DNAJC5: variants seen among roughly 807,000 people sequenced by gnomAD.
The protein encoded by DNAJC5 is dnaJ homolog subfamily C member 5.
DNAJC5 carries 1 observed loss-of-function variant against 23.2 expected under a neutral mutation model. The observed-to-expected ratio is 0.04, with a 90% CI of 0.02 to 0.20. The LOEUF (loss-of-function observed/expected upper bound fraction) is 0.20, where lower values mean the gene tolerates loss of function less well. DNAJC5 is among the 10% of genes least tolerant of loss of function. The pLI, the probability that DNAJC5 is intolerant of heterozygous loss-of-function variation, is 1.00. For synonymous variants in DNAJC5, 136 were observed against 120.0 expected (o/e 1.13, Z -0.87); for missense variants, 180 against 267.0 (o/e 0.67, Z 2.27).
chr20:63,923,900 T>C (rs1466784398), intron 1 of DNAJC5, among the ~76,000 whole-genome samples: 1 of 152,028 alleles, frequency 6.6e-6, no homozygotes, highest in East Asian at 1.9e-4. Context: ...AAAAATGGAG[T>C]TTTTTGCCTT....
At chr20:63,930,193 A>G (rs1028465721) in intron 3 of DNAJC5, among the ~76,000 whole-genome samples, 2 of 152,086 alleles carry the variant, frequency 1.3e-5, no homozygotes, top group Non-Finnish European at 2.9e-5. Flanking sequence ...TATTTAGTTA[A>G]TGTTAGACAG....
In DNAJC5 at chr20:63,926,108, G is replaced by A. The variant is rs561518302; in HGVS notation, c.-11-2227G>A. Among the ~76,000 whole-genome samples the A allele has an allele frequency of 2.4e-3, 358 of 152,292 alleles. 2 individuals are homozygous for A. Among genetic ancestry groups the A allele is most frequent in the African/African-American group, 7.9e-3 (327 of 41,560 alleles). ...CTCCCAAAGTGCTGGGATTACAGGC[G>A]TGAGCCACGGCGCCTGGCCTTCTGG... On this transcript the variant is annotated intron_variant, in intron 1 of 4. Coordinates refer to ENST00000360864, the MANE Select transcript of DNAJC5 (RefSeq NM_025219.3).
chr20:63,926,450 T>G (rs1405812770), intron 1 of DNAJC5, among the ~76,000 whole-genome samples: 1 of 152,252 alleles, frequency 6.6e-6, no homozygotes, highest in Non-Finnish European at 1.5e-5. Flanking sequence ...CTTTGTAGCT[T>G]CCTGAGGCGG....
intron 1 of DNAJC5, among the ~76,000 whole-genome samples, chr20:63,899,492 G>A (rs1011418271): frequency 6.6e-6 from 1 of 152,184 alleles, no homozygotes; most frequent in African/African-American, 2.4e-5. Context: ...ATAGATACAG[G>A]TCATTAGAAA....
In DNAJC5 at chr20:63,933,303, G is replaced by C. The variant is rs1333401130; in HGVS notation, c.*1735G>C. On this transcript the variant is annotated 3_prime_UTR_variant, in exon 5 of 5. Transcript: ENST00000360864. ...AGGTTGACCAGGAAGCTGCCAAAAG[G>C]GACATGGATATGAGGATACATCTGG... is the stretch of plus-strand genomic sequence containing the variant. The C allele has an allele frequency of 6.6e-6, 1 of 152,362 alleles. No individual in the cohort carries two copies. The highest frequency in any genetic ancestry group is 1.5e-5 in the Non-Finnish European group (1 of 68,066). The allele number at this position is 152,362 out of a possible 1,614,324, so 9.4% of individuals were successfully genotyped here.
chr20:63,911,707 T>C (rs1344965678), intron 1 of DNAJC5, among the ~76,000 whole-genome samples: 1 of 151,960 alleles, frequency 6.6e-6, no homozygotes, highest in African/African-American at 2.4e-5. Flanking sequence ...AGGGTCTTGC[T>C]CTGTCAATCA....
chr20:63,899,876 T>C (rs375080183), intron 1 of DNAJC5, among the ~76,000 whole-genome samples: 70 of 123,546 alleles, frequency 5.7e-4, no homozygotes, highest in East Asian at 4.8e-3. Flanking sequence ...CCACTGCGCC[T>C]GGGCTTTTTT....
Position 63,931,348 on chromosome 20 carries a change from A to G in DNAJC5, c.494-117A>G, listed in dbSNP as rs1159344836. ...AAGCCGTGTGGGGTGGAGGTCAGCGAGTAGCCTCTCCCGGTGGAGAGTTTG... is the reference window on the plus strand; with the variant it reads ...AAGCCGTGTGGGGTGGAGGTCAGCGGGTAGCCTCTCCCGGTGGAGAGTTTG... On this transcript the variant is annotated intron_variant, in intron 4 of 4. Transcript: ENST00000360864. This position sits in a 1 kb window ranked among gnomAD's most constrained non-coding sequence, Gnocchi z 9.6. 1 of 1,032,700 alleles carries G rather than the reference A, an allele frequency of 9.7e-7. No homozygotes were observed. Among genetic ancestry groups the G allele is most frequent in the African/African-American group, 1.6e-5 (1 of 63,184 alleles). 64.0% of individuals were successfully genotyped at this position (1,032,700 alleles called of 1,614,324 possible).
At chr20:63,926,395 C>G (rs1200737455) in intron 1 of DNAJC5, among the ~76,000 whole-genome samples, 1 of 152,154 alleles carries the variant, frequency 6.6e-6, no homozygotes, top group Non-Finnish European at 1.5e-5. Flanking sequence ...GATTTCTGTT[C>G]CTTATGATTT....
intron 3 of DNAJC5, 101 bp from the exon 4 acceptor site, chr20:63,930,749 TG>T: frequency 6.3e-7 from 1 of 1,578,364 alleles, no homozygotes; most frequent in East Asian, 2.2e-5. Context: ...TATCCCCACC[TG>T]GAACGCACCC....
At chr20:63,911,776 T>C (rs1211070142) in intron 1 of DNAJC5, among the ~76,000 whole-genome samples, 1 of 151,438 alleles carries the variant, frequency 6.6e-6, no homozygotes, top group African/African-American at 2.4e-5. Context: ...TGGGCTCGAG[T>C]GATCCTCCCA....
rs941795625 is a variant in DNAJC5, at chr20:63,931,327, C to T, written c.494-138C>T. 17 of 922,588 alleles carry T rather than the reference C, an allele frequency of 1.8e-5. No homozygotes were observed. Among genetic ancestry groups the T allele is most frequent in the Admixed American group, 6.0e-5 (3 of 49,936 alleles). 57.2% of individuals were successfully genotyped at this position (922,588 alleles called of 1,614,324 possible). On this transcript the variant is annotated intron_variant, in intron 4 of 4. Transcript: ENST00000360864. This position sits in a 1 kb window ranked among gnomAD's most constrained non-coding sequence, Gnocchi z 9.6. ...GTGACCCAAGGCGACGGAGGAAAGC[C>T]GTGTGGGGTGGAGGTCAGCGAGTAG... is the stretch of plus-strand genomic sequence containing the variant.
At chr20:63,914,419 A>G (rs2053502689) in intron 1 of DNAJC5, among the ~76,000 whole-genome samples, 1 of 151,116 alleles carries the variant, frequency 6.6e-6, no homozygotes, top group African/African-American at 2.4e-5. Flanking sequence ...GGTTCACGCG[A>G]TTCTCCCGCC....
chr20:63,896,266 T>A (rs918830566), intron 1 of DNAJC5, among the ~76,000 whole-genome samples: 3 of 152,224 alleles, frequency 2.0e-5, no homozygotes, highest in African/African-American at 7.2e-5. Context: ...TTTAAAAAAA[T>A]GTCAGCTGAG....
intron 1 of DNAJC5, among the ~76,000 whole-genome samples, chr20:63,921,977 C>T (rs1233353797): frequency 1.3e-5 from 2 of 152,050 alleles, no homozygotes; most frequent in Non-Finnish European, 2.9e-5. Context: ...TGAGGTTTCA[C>T]CACGTTGGCC....
At chr20:63,907,590 A>G (rs1341084685) in intron 1 of DNAJC5, among the ~76,000 whole-genome samples, 2 of 152,166 alleles carry the variant, frequency 1.3e-5, no homozygotes, top group Non-Finnish European at 2.9e-5. Context: ...CCCGTCTCAC[A>G]GGCCTCTTAG....
At chr20:63,909,484 CAG>C (rs1180274639) in intron 1 of DNAJC5, among the ~76,000 whole-genome samples, 39 of 152,122 alleles carry the variant, frequency 2.6e-4, no homozygotes, top group Non-Finnish European at 2.9e-4. Context: ...GCCTGGGCGA[CAG>C]AGCGAGATTC....
intron 1 of DNAJC5, among the ~76,000 whole-genome samples, chr20:63,905,412 G>A (rs1011368575): frequency 2.0e-5 from 3 of 151,932 alleles, no homozygotes; most frequent in Non-Finnish European, 2.9e-5. Context: ...CACCACACCC[G>A]GGGCTGGATT....
chr20:63,930,851 G>T lies in DNAJC5; in HGVS notation c.322G>T (p.Ala108Ser), dbSNP rs1322303376. The T allele has an allele frequency of 6.2e-7, 1 of 1,612,496 alleles. No individual in the cohort carries two copies. Among genetic ancestry groups the T allele is most frequent in the Non-Finnish European group, 8.5e-7 (1 of 1,179,918 alleles). The part of the protein sequence containing the change: ...YFVLSSWWAK[A>S]LFVFCGLLTC... ...CAACACCACCTTCTTCTCCCCCCAG[G>T]CCCTGTTTGTCTTCTGCGGCCTCCT... Residue 108 changes from alanine (A) to serine (S), a missense_variant and splice_region_variant, in exon 4 of 5, where the codon GCC becomes TCC. Physicochemically the swap from Ala to Ser is moderately conservative, Grantham distance 99. Transcript: ENST00000360864.
Sources: allele counts gnomAD v4.1 joint callset (sites outside exome capture counted in the v4.1 genomes callset), GRCh38; gene constraint gnomAD v4.1.1; non-coding constraint Gnocchi (gnomAD v3.1); transcripts MANE v1.5; gene names NCBI Gene and HGNC (gene_info 2026-07-23, HGNC 2026-07-21).